The following KIF15 variants were observed in gnomAD, a reference collection of about 807,000 sequenced individuals.
KIF15 encodes kinesin-like protein KIF15.
A neutral mutation model predicts 190.6 loss-of-function variants in KIF15; 140 were observed. The ratio of observed to expected loss-of-function variants is 0.73; its 90% CI spans 0.64 to 0.84. KIF15 has a LOEUF of 0.84. KIF15 is among the 40% of genes least tolerant of loss of function. The probability of loss-of-function intolerance (pLI) is 0.00; values close to 1 mark genes in which losing one functional copy is unlikely to be tolerated. For synonymous variants in KIF15, 528 were observed against 551.3 expected (o/e 0.96, Z 0.59); for missense variants, 1,372 against 1,584.4 (o/e 0.87, Z 2.28).
chr3:44,836,929 A>C (rs980987368), intron 26 of KIF15, among the ~76,000 whole-genome samples: 1 of 152,246 alleles, frequency 6.6e-6, no homozygotes, highest in South Asian at 2.1e-4. Context: ...ACAGGTTGTC[A>C]GTTAGGCAGC....
rs1022933558 is a variant in KIF15, at chr3:44,861,919, G to C, written c.*59+9125G>C. 25 of 1,459,244 alleles carry C rather than the reference G, an allele frequency of 1.7e-5. No individual in the cohort carries two copies. The African/African-American group carries it at 2.8e-4, about 17-fold the overall frequency. 90.4% of individuals were successfully genotyped at this position (1,459,244 alleles called of 1,614,324 possible). A position where few individuals can be genotyped will look rare whatever the true frequency, so the allele number is the denominator to read the frequency against. On this transcript the variant is annotated intron_variant and NMD_transcript_variant, in intron 6 of 6. Transcript: ENST00000422209. ...GCGGGTGCCAGGCACGGTGTCAGCA[G>C]GCAACATGGCCGAGAGGCCGGGGCC...
chr3:44,783,940 A>C (rs1706282957), intron 5 of KIF15, among the ~76,000 whole-genome samples: 1 of 152,198 alleles, frequency 6.6e-6, no homozygotes, highest in Non-Finnish European at 1.5e-5. Context: ...ATTCCTTAGA[A>C]TCCTGCTATT....
At position 44,821,267 on chromosome 3, in the gene KIF15, A is replaced by G. The variant is rs1003205817; in HGVS notation, c.2550-4772A>G. 2.2e-5 allele frequency among the ~76,000 whole-genome samples: 3 copies of G among 137,962 alleles called. No homozygotes were observed. The East Asian group carries it at 6.7e-4, about 31-fold the overall frequency. The allele number at this position is 137,962 out of a possible 152,430, so 90.5% of individuals were successfully genotyped here. On this transcript the variant is annotated intron_variant, in intron 20 of 34. Coordinates refer to ENST00000326047, the MANE Select transcript of KIF15 (RefSeq NM_020242.3). The stretch of plus-strand genomic sequence containing the variant: ...GGCCGGGCGGAGGGCTGACCCCCCC[A>G]CCTCCCTCCTGGACGGGGCGGCTGG...
chr3:44,765,148 T>G (rs1247800139), intron 1 of KIF15, among the ~76,000 whole-genome samples: 2 of 152,272 alleles, frequency 1.3e-5, no homozygotes, highest in African/African-American at 4.8e-5. Context: ...TTGTGTAGTT[T>G]TAAATTTCAC....
chr3:44,777,039 C>A (rs1019310763), intron 3 of KIF15, among the ~76,000 whole-genome samples: 5 of 141,242 alleles, frequency 3.5e-5, no homozygotes, highest in Non-Finnish European at 6.0e-5. Flanking sequence ...GCTTTGTTGC[C>A]AAGGCTGGAG....
At chr3:44,822,061 T>C (rs6800819) in intron 20 of KIF15, among the ~76,000 whole-genome samples, 2,837 of 152,310 alleles carry the variant, frequency 0.019, 76 homozygotes, top group African/African-American at 0.063. Context: ...TGCAGTGAGC[T>C]GAGATGTCAG....
At chr3:44,778,038 T>G in intron 3 of KIF15, 77 bp from the exon 4 acceptor site, 1 of 1,168,210 alleles carries the variant, frequency 8.6e-7, no homozygotes, top group Non-Finnish European at 1.3e-6. Flanking sequence ...CAATTTTTGC[T>G]GTTACATTGT....
intron 3 of KIF15, among the ~76,000 whole-genome samples, chr3:44,777,038 C>T (rs1296695526): frequency 7.9e-6 from 1 of 125,920 alleles, no homozygotes; most frequent in Non-Finnish European, 1.6e-5. Flanking sequence ...TGCTTTGTTG[C>T]CAAGGCTGGA....
At chr3:44,808,753 A>C (rs1203457742) in intron 16 of KIF15, among the ~76,000 whole-genome samples, 1 of 152,188 alleles carries the variant, frequency 6.6e-6, no homozygotes, top group Non-Finnish European at 1.5e-5. Flanking sequence ...CATACCAGTT[A>C]ACGTGAGGCT....
intron 16 of KIF15, among the ~76,000 whole-genome samples, chr3:44,809,509 CTG>C (rs921065285): frequency 2.6e-5 from 4 of 151,958 alleles, no homozygotes; most frequent in African/African-American, 9.7e-5. Flanking sequence ...TGTGTATCCA[CTG>C]TTTTTCTTTT....
rs997501026 is a variant in KIF15 at position 44,789,958 on chromosome 3, C to T, written c.639+3384C>T. Among the ~76,000 whole-genome samples the T allele has an allele frequency of 2.0e-5, 3 of 151,756 alleles. No homozygotes were observed. The South Asian group carries it at 6.2e-4, about 31-fold the overall frequency. On this transcript the variant is annotated intron_variant, in intron 7 of 34. Transcript: ENST00000326047. ...TTTATTTTAAAAAGAATAATAACAA[C>T]TAAGATAATTATTTACCCAGGTTTT...
chr3:44,839,478 C>T (rs1244886887), intron 27 of KIF15, among the ~76,000 whole-genome samples: 1 of 152,126 alleles, frequency 6.6e-6, no homozygotes, highest in African/African-American at 2.4e-5. Flanking sequence ...TAATATCTTA[C>T]TGCTTTTCAA....
In KIF15 at chr3:44,843,229, A is replaced by G. The variant is rs201218018; in HGVS notation, c.3690A>G (p.Glu1230=). 6.2e-7 allele frequency: 1 copy of G among 1,606,888 alleles called. No homozygotes were observed. The highest frequency in any genetic ancestry group is 8.5e-7 in the Non-Finnish European group (1 of 1,174,414). Residue 1230 remains glutamate (E), a synonymous_variant, in exon 30 of 35, where the codon GAA becomes GAG. Transcript: ENST00000326047. ...GQLDDIKRQK[E]NSDQNHPDNQ... ...TGGATGATATTAAAAGACAAAAGGA[A>G]AACAGGTGAGAAAGAACCACGAGAA...
chr3:44,826,477 T>C lies in KIF15; in HGVS notation c.2786+17T>C. The C allele has an allele frequency of 6.6e-7, 1 of 1,505,056 alleles. No individual in the cohort carries two copies. The highest frequency in any genetic ancestry group is 9.2e-7 in the Non-Finnish European group (1 of 1,088,560). 93.2% of individuals were successfully genotyped at this position (1,505,056 alleles called of 1,614,324 possible). A position where few individuals can be genotyped will look rare whatever the true frequency, so the allele number is the denominator to read the frequency against. On this transcript the variant is annotated intron_variant, in intron 22 of 34. Coordinates refer to ENST00000326047, the MANE Select transcript of KIF15 (RefSeq NM_020242.3). ...CAGTTCTAAGTGAGTGCTATTTATT[T>C]TTTCTACTAGCATACTAGAATATTG...
Position 44,780,925 on chromosome 3 carries a change from A to T in KIF15, c.361+3A>T. The T allele has an allele frequency of 6.3e-7, 1 of 1,596,490 alleles. No individual in the cohort carries two copies. Reference sequence around the variant, plus strand: ...AGGGAAGACATTTACTATGATGGGTAAGTAAAGATTAACTTTTGTTGGCTT... The same window carrying T: ...AGGGAAGACATTTACTATGATGGGTTAGTAAAGATTAACTTTTGTTGGCTT... On this transcript the variant is annotated splice_donor_region_variant and intron_variant, in intron 5 of 34. Transcript: ENST00000326047.
chr3:44,841,296 A>G (rs1198739519), intron 29 of KIF15, 58 bp downstream of exon 29: 4 of 1,391,778 alleles, frequency 2.9e-6, no homozygotes, highest in Non-Finnish European at 3.9e-6. Context: ...AAGTCTCGCT[A>G]TGTTGCCCAG....
intron 16 of KIF15, among the ~76,000 whole-genome samples, chr3:44,808,891 T>C (rs1053822090): frequency 1.3e-5 from 2 of 152,242 alleles, no homozygotes; most frequent in African/African-American, 2.4e-5. Flanking sequence ...TTGGGGGATA[T>C]GCCTTGGATC....
chr3:44,831,795 C>T (rs569504709), intron 26 of KIF15, among the ~76,000 whole-genome samples: 9 of 152,128 alleles, frequency 5.9e-5, no homozygotes, highest in Non-Finnish European at 8.8e-5. Context: ...TCTTGTGTAA[C>T]TTTCAAGAGA....
chr3:44,856,822 TTC>T (rs1336962628), downstream of KIF15, among the ~76,000 whole-genome samples: 1 of 152,164 alleles, frequency 6.6e-6, no homozygotes, highest in African/African-American at 2.4e-5. Context: ...GGAAACCTCT[TTC>T]TGCCCATATA....
Sources: allele counts gnomAD v4.1 joint callset (sites outside exome capture counted in the v4.1 genomes callset), GRCh38; gene constraint gnomAD v4.1.1; transcripts MANE v1.5; gene names NCBI Gene and HGNC (gene_info 2026-07-23, HGNC 2026-07-21).